TENM2: variants seen among roughly 807,000 people sequenced by gnomAD.
TENM2 encodes teneurin transmembrane protein 2.
In TENM2, 52 loss-of-function variants were observed where a neutral mutation model predicts 245.2. That is an observed-to-expected ratio of 0.21 (90% confidence interval 0.17 to 0.27). The LOEUF (loss-of-function observed/expected upper bound fraction) is 0.27, where lower values mean the gene tolerates loss of function less well. TENM2 is among the 10% of genes least tolerant of loss of function. The pLI is 1.00. For synonymous variants in TENM2, 1,363 were observed against 1,438.9 expected, an observed-to-expected ratio of 0.95 and a Z score of 1.19; for missense variants, 3,046 against 3,666.8, an observed-to-expected ratio of 0.83 and a Z score of 4.37.
chr5:167,815,960 C>T (rs1464925432), intron 2 of TENM2, among the ~76,000 whole-genome samples: 3 of 146,190 alleles, frequency 2.1e-5, no homozygotes, highest in African/African-American at 7.7e-5. Flanking sequence ...ACTTAAGTCC[C>T]ATTATGATCC....
At chr5:167,790,868 T>G (rs1764907681) in intron 2 of TENM2, among the ~76,000 whole-genome samples, 1 of 152,192 alleles carries the variant, frequency 6.6e-6, no homozygotes, top group African/African-American at 2.4e-5. Context: ...ATCAAATGCT[T>G]TCTACATTGA....
At chr5:167,534,719 G>T (rs760158096) in intron 2 of TENM2, among the ~76,000 whole-genome samples, 1 of 152,142 alleles carries the variant, frequency 6.6e-6, no homozygotes, top group East Asian at 1.9e-4. Flanking sequence ...ACGAGACCTC[G>T]AATGGAGAGG....
the TENM2 span, among the ~76,000 whole-genome samples, chr5:167,068,065 T>C: frequency 2.6e-5 from 4 of 152,218 alleles, no homozygotes. Context: ...GTGAGGTGCA[T>C]TGAACAACCA....
chr5:167,164,121 A>G, the TENM2 span, among the ~76,000 whole-genome samples: 1 of 152,226 alleles, frequency 6.6e-6, no homozygotes, highest in Non-Finnish European at 1.5e-5. Flanking sequence ...GCTTCAAATA[A>G]GAACATCTCT....
intron 9 of TENM2, among the ~76,000 whole-genome samples, chr5:168,103,604 T>C (rs756793524): frequency 3.3e-5 from 5 of 152,214 alleles, no homozygotes; most frequent in African/African-American, 4.8e-5. Flanking sequence ...ATTGACGTTA[T>C]GCATTTTTAG....
At chr5:168,034,172 T>TATAC (rs1332207527) in intron 5 of TENM2, among the ~76,000 whole-genome samples, 4 of 84,756 alleles carry the variant, frequency 4.7e-5, no homozygotes, top group Admixed American at 1.5e-4. Context: ...TGTATATATA[T>TATAC]ACACACACAC....
chr5:167,169,783 A>G, the TENM2 span, among the ~76,000 whole-genome samples: 1 of 152,202 alleles, frequency 6.6e-6, no homozygotes, highest in African/African-American at 2.4e-5. Context: ...TCTTGGTGCC[A>G]TGGAATAAAA....
At chr5:168,217,009 G>A (rs916601840) in intron 22 of TENM2, 87 bp downstream of exon 24, 3 of 1,424,926 alleles carry the variant, frequency 2.1e-6, no homozygotes, top group Non-Finnish European at 1.9e-6. Context: ...GTTTGGAAGT[G>A]GAATGGGAGG....
intron 2 of TENM2, among the ~76,000 whole-genome samples, chr5:167,571,569 C>T (rs1774264678): frequency 6.6e-6 from 1 of 152,136 alleles, no homozygotes; most frequent in Admixed American, 6.6e-5. Flanking sequence ...GATATCCACT[C>T]AGGGAACCCA....
rs1211952810 is a variant in TENM2 at position 168,200,138 on chromosome 5, T to C, written c.3430+7T>C. The C allele has an allele frequency of 1.9e-6, 3 of 1,609,696 alleles. No homozygotes were observed. The highest frequency in any genetic ancestry group is 2.5e-6 in the Non-Finnish European group (3 of 1,177,276). On this transcript the variant is annotated splice_region_variant and intron_variant, in intron 17 of 28. Transcript: ENST00000518659. ...GGACTCTCAGATGCTGTTGGTATGT[T>C]TTGGTTTCAACCACTTATTGATCAA...
intron 2 of TENM2, among the ~76,000 whole-genome samples, chr5:167,805,329 T>C (rs1236363653): frequency 6.6e-6 from 1 of 152,172 alleles, no homozygotes; most frequent in African/African-American, 2.4e-5. Context: ...AGAATAGGTA[T>C]TGGCTCTCCT....
At chr5:167,593,237 C>A (rs1775991967) in intron 2 of TENM2, among the ~76,000 whole-genome samples, 1 of 152,108 alleles carries the variant, frequency 6.6e-6, no homozygotes, top group South Asian at 2.1e-4. Flanking sequence ...AGTATTATTA[C>A]AAAAAAGATG....
chr5:167,896,648 C>T lies in TENM2; in HGVS notation c.712+20453C>T, dbSNP rs191374179. 1.8e-4 allele frequency among the ~76,000 whole-genome samples: 28 copies of T among 152,212 alleles called. No individual in the cohort carries two copies. In the East Asian group the frequency reaches 3.3e-3, roughly 18 times the overall value. ...GGAAATGTGCCCTTATTAAAAAGCA[C>T]GGAGACATAGGAAGAAGTCCTGGAA... On this transcript the variant is annotated intron_variant, in intron 3 of 28. Coordinates refer to ENST00000518659, the Ensembl canonical transcript of TENM2.
chr5:167,508,675 C>G (rs971493577), intron 2 of TENM2, among the ~76,000 whole-genome samples: 59 of 152,234 alleles, frequency 3.9e-4, no homozygotes, highest in African/African-American at 1.4e-3. Flanking sequence ...TTATTTATCA[C>G]AAATTTAAAG....
the TENM2 span, among the ~76,000 whole-genome samples, chr5:167,215,806 T>C: frequency 6.6e-6 from 1 of 152,228 alleles, no homozygotes; most frequent in Non-Finnish European, 1.5e-5. Context: ...ACATTAGCTT[T>C]TACTTTCAGG....
At chr5:167,801,112 ATAT>A (rs1561795685) in intron 2 of TENM2, among the ~76,000 whole-genome samples, 2,090 of 50,466 alleles carry the variant, frequency 0.041, 19 homozygotes, top group Non-Finnish European at 0.058. Context: ...AAAAAAAAAT[ATAT>A]ATATATATAT....
intron 2 of TENM2, among the ~76,000 whole-genome samples, chr5:167,640,886 T>TATATCC (rs1561629061): frequency 5.3e-5 from 4 of 75,918 alleles, no homozygotes; most frequent in African/African-American, 1.3e-4. Context: ...TATATATATA[T>TATATCC]ATATATATAT....
chr5:168,162,514 G>A (rs1272556227), intron 12 of TENM2, 97 bp from the exon 15 acceptor site: 25 of 1,364,220 alleles, frequency 1.8e-5, no homozygotes, highest in African/African-American at 5.8e-5. Context: ...CTGGCCCAGC[G>A]GCTGCCCTGC....
chr5:167,363,364 G>A (rs779097180), intron 1 of TENM2, among the ~76,000 whole-genome samples: 38 of 151,900 alleles, frequency 2.5e-4, no homozygotes, highest in Non-Finnish European at 4.0e-4. Context: ...TTTTTTAGCC[G>A]GCAAGAATCC....
Sources: gnomAD v4.1 joint callset for allele counts (sites outside exome capture counted in the v4.1 genomes callset) on GRCh38, gnomAD v4.1.1 for gene constraint, MANE v1.5 for transcripts, NCBI Gene and HGNC (gene_info 2026-07-23, HGNC 2026-07-21) for gene names.